Variants in MSANTD1 observed in about 807,000 individuals in gnomAD.
The protein encoded by MSANTD1 is myb/SANT-like DNA-binding domain-containing protein 1.
MSANTD1 carries 7 observed loss-of-function variants against 24.2 expected under a neutral mutation model. The ratio of observed to expected loss-of-function variants is 0.29; its 90% CI spans 0.16 to 0.54. The LOEUF (loss-of-function observed/expected upper bound fraction) is 0.54. MSANTD1 is among the 20% of genes least tolerant of loss of function. The pLI is 0.94. For synonymous variants in MSANTD1, 177 were observed against 181.1 expected (o/e 0.98, Z 0.18); for missense variants, 384 against 408.2 (o/e 0.94, Z 0.51).
At position 3,249,231 on chromosome 4, in the gene MSANTD1, TGGGGCCGGGCC is replaced by T. The variant is rs1722133207; in HGVS notation, c.16_26del (p.Gly6LeufsTer106). On this transcript the variant is annotated frameshift_variant, in exon 1 of 3. Coordinates refer to ENST00000438480, the MANE Select transcript of MSANTD1 (RefSeq NM_001042690.2). LOFTEE classifies it high-confidence loss of function. ...AGCGGCGCCTCCCGCCCATGGTGCGTGGGGCCGGGCCGGGGCCCTCGCTGAGCGCGCTCTCT... is the reference window on the plus strand; with the variant it reads ...AGCGGCGCCTCCCGCCCATGGTGCGTGGGGCCCTCGCTGAGCGCGCTCTCT... 7.1e-7 allele frequency: 1 copy of T among 1,412,400 alleles called. No homozygotes were observed. Among genetic ancestry groups the T allele is most frequent in the Non-Finnish European group, 9.2e-7 (1 of 1,084,850 alleles). 87.5% of individuals were successfully genotyped at this position (1,412,400 alleles called of 1,614,324 possible).
chr4:3,253,677 C>T (rs1722302023), intron 2 of MSANTD1, among the ~76,000 whole-genome samples, 195 bp downstream of exon 2: 1 of 152,256 alleles, frequency 6.6e-6, no homozygotes, highest in African/African-American at 2.4e-5. Context: ...CCGAGTTTGT[C>T]TCCCAGCTCC....
chr4:3,254,327 G>A (rs1348267580), intron 2 of MSANTD1, among the ~76,000 whole-genome samples: 1 of 152,230 alleles, frequency 6.6e-6, no homozygotes, highest in Non-Finnish European at 1.5e-5. Context: ...GGGGGCCGCT[G>A]CTTGACTCAG....
At chr4:3,250,323 G>A (rs1337483549) in intron 1 of MSANTD1, among the ~76,000 whole-genome samples, 1 of 152,222 alleles carries the variant, frequency 6.6e-6, no homozygotes, top group Non-Finnish European at 1.5e-5. Flanking sequence ...GGGAAGGCCG[G>A]AGGGGACCAC....
chr4:3,249,273 C>T lies in MSANTD1; in HGVS notation c.51C>T (p.Pro17=). The change falls in exon 1 of 3, where the codon CCC becomes CCT. Residue 17 remains proline, a synonymous_variant. Transcript: ENST00000438480. ...CCTCGCTGAGCGCGCTCTCTCACCC[C>T]ACAGGCGCCTCCGGCATGGCGGCGG... The part of the protein sequence containing the change: ...PGPSLSALSH[P]TGASGMAAAE... 4.0e-6 allele frequency: 6 copies of T among 1,511,528 alleles called. No individual in the cohort carries two copies. Among genetic ancestry groups the T allele is most frequent in the South Asian group, 1.3e-5 (1 of 78,922 alleles). The allele number at this position is 1,511,528 out of a possible 1,614,324, so 93.6% of individuals were successfully genotyped here.
chr4:3,249,346 C>A lies in MSANTD1; in HGVS notation c.124C>A (p.Arg42=). Residue 42 remains arginine, a synonymous_variant, in exon 1 of 3, where the codon CGG becomes AGG. Coordinates refer to ENST00000438480, the MANE Select transcript of MSANTD1 (RefSeq NM_001042690.2). ...LVSPQAEKHR[R]ARNWTDAEMR... is the part of the protein sequence containing the mutation. ...GTCTCCCCAGGCGGAGAAGCACCGG[C>A]GGGCCCGCAACTGGACGGACGCCGA... is the stretch of plus-strand genomic sequence containing the variant. 1.9e-6 allele frequency: 3 copies of A among 1,553,828 alleles called. No individual in the cohort carries two copies. The highest frequency in any genetic ancestry group is 1.7e-6 in the Non-Finnish European group (2 of 1,148,516).
upstream of MSANTD1, among the ~76,000 whole-genome samples, chr4:3,246,207 T>C (rs1265328476): frequency 6.6e-6 from 1 of 152,160 alleles, no homozygotes. Context: ...GGACTCCACG[T>C]GGTTCTCTGC....
intron 2 of MSANTD1, 98 bp downstream of exon 2, chr4:3,253,580 CAGTGGTTGCA>C (rs1722298798): frequency 7.8e-7 from 1 of 1,281,026 alleles, no homozygotes; most frequent in African/African-American, 2.4e-5. Flanking sequence ...GCGGCGGCCA[CAGTGGTTGCA>C]GAGGCCGTGG....
Position 3,255,965 on chromosome 4 carries a change from G to A in MSANTD1, c.837G>A (p.Ter279=), listed in dbSNP as rs1431858970. 2 of 1,521,432 alleles carry A rather than the reference G, an allele frequency of 1.3e-6. No homozygotes were observed. Among genetic ancestry groups the A allele is most frequent in the Admixed American group, 2.1e-5 (1 of 48,112 alleles). The allele number at this position is 1,521,432 out of a possible 1,614,324, so 94.2% of individuals were successfully genotyped here. A position where few individuals can be genotyped will look rare whatever the true frequency, so the allele number is the denominator to read the frequency against. ...GGATCATCACCAAGTCCAGCGTCTAGGCCAGCAGGCGGCGGCGGCGGCGGG... is the reference window on the plus strand; with the variant it reads ...GGATCATCACCAAGTCCAGCGTCTAAGCCAGCAGGCGGCGGCGGCGGCGGG... The part of the protein sequence containing the change: ...LERIITKSSV[*] Residue 279 remains the stop codon, a stop_retained_variant, in exon 3 of 3, where the codon TAG becomes TAA. Transcript: ENST00000438480.
At chr4:3,246,629 G>T (rs116651640), upstream of MSANTD1, 386 of 695,404 alleles carry the variant, frequency 5.6e-4, no homozygotes, top group African/African-American at 5.9e-3. Flanking sequence ...AGGAGACCCC[G>T]TAGCGACTGA....
At chr4:3,244,597 G>C (rs1721962708), upstream of MSANTD1, 1 of 152,290 alleles carries the variant, frequency 6.6e-6, no homozygotes, top group Admixed American at 6.5e-5. Flanking sequence ...GCTCAGCCCA[G>C]CGGGGATGCT....
At position 3,255,837 on chromosome 4, in the gene MSANTD1, G is replaced by A. The variant is rs560690883; in HGVS notation, c.709G>A (p.Val237Met). The A allele has an allele frequency of 1.3e-4, 206 of 1,545,642 alleles. No individual in the cohort carries two copies. In the South Asian group the frequency reaches 1.8e-3, roughly 13 times the overall value. The change falls in exon 3 of 3, where the codon GTG becomes ATG. Residue 237 changes from valine to methionine, a missense_variant. By Grantham distance (21) the Val-to-Met change is conservative. Coordinates refer to ENST00000438480, the MANE Select transcript of MSANTD1 (RefSeq NM_001042690.2). The stretch of plus-strand genomic sequence containing the variant: ...GGAGCAGCGCCGGCTGAGCCGCGCC[G>A]TGGAGGAGACCTGCCGCGAGGTGCG... Reference protein sequence around the residue: ...VEEQRRLSRAVEETCREVRRV... With the variant: ...VEEQRRLSRAMEETCREVRRV...
At chr4:3,248,319 G>A (rs549731082), upstream of MSANTD1, 19 of 152,550 alleles carry the variant, frequency 1.2e-4, no homozygotes, top group Non-Finnish European at 2.1e-4. Context: ...CTCGAGCCCC[G>A]TCTCCGCACG....
At chr4:3,247,125 G>C (rs965582747), upstream of MSANTD1, among the ~76,000 whole-genome samples, 3 of 152,180 alleles carry the variant, frequency 2.0e-5, no homozygotes, top group African/African-American at 4.8e-5. Context: ...TTTGTGGAAG[G>C]GGGTAGAGGG....
rs377153773 is a variant in MSANTD1, at chr4:3,249,333, G to A, written c.111G>A (p.Ala37=). ...EGPGYLVSPQ[A]EKHRRARNWT... ...CCGGCTACCTCGTGTCTCCCCAGGC[G>A]GAGAAGCACCGGCGGGCCCGCAACT... is the stretch of plus-strand genomic sequence containing the variant. Residue 37 remains alanine, a synonymous_variant, in exon 1 of 3, where the codon GCG becomes GCA. Coordinates refer to ENST00000438480, the MANE Select transcript of MSANTD1 (RefSeq NM_001042690.2). 22 of 1,554,486 alleles carry A rather than the reference G, an allele frequency of 1.4e-5. No homozygotes were observed. Among genetic ancestry groups the A allele is most frequent in the African/African-American group, 2.7e-5 (2 of 73,610 alleles).
chr4:3,252,727 C>T (rs535916141), intron 1 of MSANTD1, among the ~76,000 whole-genome samples: 2 of 152,270 alleles, frequency 1.3e-5, no homozygotes, highest in Admixed American at 6.5e-5. Context: ...CAGTGGCTGT[C>T]GCTCCCTGAG....
At chr4:3,254,075 T>C (rs943451457) in intron 2 of MSANTD1, among the ~76,000 whole-genome samples, 2 of 152,198 alleles carry the variant, frequency 1.3e-5, no homozygotes, top group Non-Finnish European at 2.9e-5. Context: ...CCAGGCAGCA[T>C]GCAGGACAGA....
intron 2 of MSANTD1, among the ~76,000 whole-genome samples, chr4:3,254,871 A>G (rs1347024886): frequency 1.3e-5 from 2 of 152,204 alleles, no homozygotes; most frequent in Non-Finnish European, 2.9e-5. Context: ...GGGGGCTCAC[A>G]TCTCAGGCCC....
chr4:3,256,434 G>A lies in MSANTD1; in HGVS notation c.*469G>A, dbSNP rs1436655380. 6.5e-6 allele frequency: 1 copy of A among 152,912 alleles called. No individual in the cohort carries two copies. Among genetic ancestry groups the A allele is most frequent in the African/African-American group, 2.4e-5 (1 of 41,442 alleles). 9.5% of individuals were successfully genotyped at this position (152,912 alleles called of 1,614,324 possible). On this transcript the variant is annotated 3_prime_UTR_variant, in exon 3 of 3. Coordinates refer to ENST00000438480, the MANE Select transcript of MSANTD1 (RefSeq NM_001042690.2). The stretch of plus-strand genomic sequence containing the variant: ...AGCTGGGGGAGCTCTCTCCTGAAGG[G>A]AACCCTGTGTCCTCCCTCACCAGGA...
intron 2 of MSANTD1, 136 bp from the exon 3 acceptor site, chr4:3,255,589 C>A: frequency 1.7e-6 from 2 of 1,179,926 alleles, no homozygotes; most frequent in Non-Finnish European, 1.1e-6. Context: ...AATATGAGAC[C>A]CTGAGTAAGT....
Sources: allele counts gnomAD v4.1 joint callset (sites outside exome capture counted in the v4.1 genomes callset), GRCh38; gene constraint gnomAD v4.1.1; transcripts MANE v1.5; gene names NCBI Gene and HGNC (gene_info 2026-07-23, HGNC 2026-07-21).